Variants in NUP37 observed in about 807,000 individuals in gnomAD.
NUP37 encodes the protein nucleoporin Nup37.
In NUP37, 33 loss-of-function variants were observed where a neutral mutation model predicts 45.4. The ratio of observed to expected loss-of-function variants is 0.73; its 90% CI spans 0.55 to 0.97. The LOEUF (loss-of-function observed/expected upper bound fraction) is 0.97, where lower values mean the gene tolerates loss of function less well. Among genes scored for constraint, NUP37 ranks in the 50% least tolerant of loss-of-function variants. The probability of loss-of-function intolerance (pLI) is 0.00; values close to 1 mark genes in which losing one functional copy is unlikely to be tolerated. For synonymous variants in NUP37, 127 were observed against 130.7 expected (o/e 0.97, Z 0.19); for missense variants, 365 against 389.7 (o/e 0.94, Z 0.53).
chr12:102,085,303 T>C (rs1202012783), intron 6 of NUP37, among the ~76,000 whole-genome samples: 1 of 151,992 alleles, frequency 6.6e-6, no homozygotes, highest in Non-Finnish European at 1.5e-5. Flanking sequence ...GTGCCTATAG[T>C]CCCAGCTACT....
At chr12:102,085,212 G>C (rs920406181) in intron 6 of NUP37, among the ~76,000 whole-genome samples, 2 of 152,130 alleles carry the variant, frequency 1.3e-5, no homozygotes, top group Admixed American at 6.5e-5. Flanking sequence ...CTGAGCTCAG[G>C]AGTTTGAGAG....
intron 3 of NUP37, among the ~76,000 whole-genome samples, chr12:102,101,675 GTAGT>G (rs919849857): frequency 8.5e-5 from 13 of 152,202 alleles, no homozygotes; most frequent in Admixed American, 7.8e-4. Context: ...ATGTTTTTCA[GTAGT>G]TAATCAATGG....
At chr12:102,111,080 T>A (rs1880301561) in intron 3 of NUP37, among the ~76,000 whole-genome samples, 1 of 152,162 alleles carries the variant, frequency 6.6e-6, no homozygotes, top group Non-Finnish European at 1.5e-5. Context: ...TACAGAAGAA[T>A]GAATAAACAG....
chr12:102,074,948 A>G, intron 9 of NUP37, 53 bp downstream of exon 9: 1 of 1,204,712 alleles, frequency 8.3e-7, no homozygotes, highest in African/African-American at 1.5e-5. Flanking sequence ...AAAGTCAAAA[A>G]CACAAATTAA....
At chr12:102,093,699 G>A (rs964539225) in intron 5 of NUP37, among the ~76,000 whole-genome samples, 1 of 151,894 alleles carries the variant, frequency 6.6e-6, no homozygotes, top group Non-Finnish European at 1.5e-5. Flanking sequence ...TTGACTATAT[G>A]CTGAATACTA....
intron 1 of NUP37, 45 bp from the exon 2 acceptor site, chr12:102,118,628 G>A: frequency 2.1e-6 from 2 of 933,982 alleles, no homozygotes; most frequent in Non-Finnish European, 1.6e-6. Flanking sequence ...CAATATGTTA[G>A]TCATTCAGCA....
intron 3 of NUP37, among the ~76,000 whole-genome samples, chr12:102,106,744 G>A (rs957730345): frequency 2.6e-5 from 4 of 152,096 alleles, no homozygotes; most frequent in Non-Finnish European, 5.9e-5. Context: ...ACCCAACCAG[G>A]TCCGCTTTGT....
intron 5 of NUP37, among the ~76,000 whole-genome samples, chr12:102,096,365 T>C (rs1329821862): frequency 6.6e-6 from 1 of 152,158 alleles, no homozygotes; most frequent in Non-Finnish European, 1.5e-5. Flanking sequence ...AGAGGTACCT[T>C]TGTTCACAGT....
Position 102,101,103 on chromosome 12 carries a change from A to C in NUP37, c.283T>G (p.Phe95Val). 1 of 1,557,526 alleles carries C rather than the reference A, an allele frequency of 6.4e-7. No homozygotes were observed. Among genetic ancestry groups the C allele is most frequent in the East Asian group, 2.3e-5 (1 of 42,708 alleles). Residue 95 changes from phenylalanine (F) to valine (V), a missense_variant and splice_region_variant, in exon 4 of 10, where the codon TTT (phenylalanine) becomes GTT (valine). Physicochemically the swap from Phe to Val is conservative, Grantham distance 50. Transcript: ENST00000552283. ...RLDSLPPVIK[F>V]CTSAADMKIR... Reference sequence around the variant, plus strand: ...TTCATATCAGCAGCTGAAGTACAAAATCTGGAAGCAAAAAAACAAAAATAT... The same window carrying C: ...TTCATATCAGCAGCTGAAGTACAAACTCTGGAAGCAAAAAAACAAAAATAT...
At chr12:102,108,308 T>C (rs1880215019) in intron 3 of NUP37, among the ~76,000 whole-genome samples, 1 of 152,162 alleles carries the variant, frequency 6.6e-6, no homozygotes, top group Non-Finnish European at 1.5e-5. Context: ...TCTCCTGTAG[T>C]TGGATGCTTC....
chr12:102,082,780 T>G (rs1879365350), intron 6 of NUP37, among the ~76,000 whole-genome samples: 1 of 151,896 alleles, frequency 6.6e-6, no homozygotes, highest in Non-Finnish European at 1.5e-5. Context: ...AATCAAAGAG[T>G]AAAGAGCCAA....
intron 6 of NUP37, among the ~76,000 whole-genome samples, chr12:102,082,304 C>G (rs1328814443): frequency 1.3e-5 from 2 of 151,854 alleles, no homozygotes; most frequent in African/African-American, 4.8e-5. Context: ...TAATCATGAA[C>G]TCATATCTTT....
intron 5 of NUP37, among the ~76,000 whole-genome samples, chr12:102,098,083 A>G (rs1879859486): frequency 6.6e-6 from 1 of 152,238 alleles, no homozygotes; most frequent in Admixed American, 6.5e-5. Flanking sequence ...ACATTATGCA[A>G]AACAGCAGAG....
chr12:102,074,519 A>G (rs540244816), intron 9 of NUP37, 52 bp from the exon 10 acceptor site: 7 of 1,065,440 alleles, frequency 6.6e-6, no homozygotes, highest in Non-Finnish European at 8.3e-6. Flanking sequence ...CAAAATTAAT[A>G]AATAAAAATG....
intron 3 of NUP37, among the ~76,000 whole-genome samples, chr12:102,105,861 CAAAAA>C (rs759252411): frequency 2.7e-5 from 2 of 73,710 alleles, no homozygotes; most frequent in East Asian, 3.2e-4. Context: ...GACTCCCTCT[CAAAAA>C]AAAAAAAAAA....
chr12:102,077,625 T>C, intron 6 of NUP37, 122 bp from the exon 7 acceptor site: 2 of 970,320 alleles, frequency 2.1e-6, no homozygotes, highest in Non-Finnish European at 3.0e-6. Flanking sequence ...AGGTTCAGCA[T>C]TCCTCATCTG....
At chr12:102,088,442 AAC>A (rs1565830831) in intron 5 of NUP37, among the ~76,000 whole-genome samples, 2 of 152,322 alleles carry the variant, frequency 1.3e-5, no homozygotes, top group African/African-American at 4.8e-5. Context: ...TAAATCAAGA[AAC>A]AGAGTATTTC....
intron 5 of NUP37, among the ~76,000 whole-genome samples, chr12:102,088,117 T>C (rs1252328941): frequency 6.6e-6 from 1 of 152,196 alleles, no homozygotes; most frequent in Non-Finnish European, 1.5e-5. Flanking sequence ...ACAATCCAAG[T>C]AGTAAGTATG....
intron 2 of NUP37, among the ~76,000 whole-genome samples, chr12:102,113,808 C>T (rs987813780): frequency 3.3e-5 from 5 of 152,080 alleles, no homozygotes; most frequent in African/African-American, 4.8e-5. Flanking sequence ...TTCCATTCAC[C>T]CAGAATCTAA....
Sources: gnomAD v4.1 joint callset for allele counts (sites outside exome capture counted in the v4.1 genomes callset) on GRCh38, gnomAD v4.1.1 for gene constraint, MANE v1.5 for transcripts, NCBI Gene and HGNC (gene_info 2026-07-23, HGNC 2026-07-21) for gene names.